CMIP: variants seen among roughly 807,000 people sequenced by gnomAD.
The protein encoded by CMIP is c-Maf inducing protein.
A neutral mutation model predicts 97.3 loss-of-function variants in CMIP; 13 were observed. The observed-to-expected ratio is 0.13, with a 90% CI of 0.09 to 0.21. The LOEUF is 0.21. CMIP is among the 10% of genes least tolerant of loss of function. CMIP has a pLI of 1.00. For synonymous variants in CMIP, 538 were observed against 436.3 expected (o/e 1.23, Z -2.91); for missense variants, 847 against 1,024.9 (o/e 0.83, Z 2.37).
chr16:81,678,409 C>A lies in CMIP; in HGVS notation c.1169C>A (p.Ala390Asp). The stretch of plus-strand genomic sequence containing the variant: ...TCTCAGGAAGCCACGCTGTCTGAGG[C>A]CCGGCTCAAGTCGGTGGTCGTGGCC... The part of the protein sequence containing the change: ...LVSQEATLSE[A>D]RLKSVVVASS... The change falls in exon 10 of 21, where the codon GCC (alanine) becomes GAC (aspartate). Residue 390 changes from alanine to aspartate, a missense_variant. Ala to Asp is a moderately radical substitution (Grantham distance 126, BLOSUM62 -2). This residue lies in a region of CMIP where 202 missense variants were observed against 168.7 expected (regional missense o/e 1.20). Transcript: ENST00000537098. The A allele has an allele frequency of 3.1e-6, 5 of 1,602,930 alleles. No homozygotes were observed. The highest frequency in any genetic ancestry group is 4.3e-6 in the Non-Finnish European group (5 of 1,175,298).
intron 1 of CMIP, among the ~76,000 whole-genome samples, chr16:81,550,242 C>T (rs920901739): frequency 6.6e-6 from 1 of 152,218 alleles, no homozygotes; most frequent in Admixed American, 6.5e-5. Context: ...TGAGGCTGGT[C>T]ATGCAAGCTC....
chr16:81,566,884 G>A (rs531291800), intron 1 of CMIP, among the ~76,000 whole-genome samples: 43 of 152,316 alleles, frequency 2.8e-4, no homozygotes, highest in African/African-American at 9.9e-4. Context: ...AGTAAAATGA[G>A]TACATAGTGT....
chr16:81,467,507 G>GA (rs1478302545), intron 1 of CMIP, among the ~76,000 whole-genome samples: 1 of 151,862 alleles, frequency 6.6e-6, no homozygotes, highest in Non-Finnish European at 1.5e-5. Flanking sequence ...GTTTGGTCTG[G>GA]AAAAAAGAGG....
intron 20 of CMIP, among the ~76,000 whole-genome samples, chr16:81,708,115 C>T (rs1401977228): frequency 2.0e-5 from 3 of 152,214 alleles, no homozygotes; most frequent in African/African-American, 4.8e-5. Context: ...CTGGCAGGCA[C>T]AGGCAAGCTC....
Position 81,444,916 on chromosome 16 carries a change from G to A in CMIP, c.-326G>A, listed in dbSNP as rs1419080503. 7.0e-5 allele frequency among the ~76,000 whole-genome samples: 3 copies of A among 43,130 alleles called. No homozygotes were observed. The highest frequency in any genetic ancestry group is 1.8e-4 in the African/African-American group (2 of 11,002). 28.3% of individuals were successfully genotyped at this position (43,130 alleles called of 152,430 possible). ...CCCCGCCGCCCCCACCCCGGCGCCC[G>A]CCCTCCGCGCCTGGCCCCGGCCCGC... On this transcript the variant is annotated 5_prime_UTR_variant, in exon 1 of 21. Coordinates refer to ENST00000537098, the MANE Select transcript of CMIP (RefSeq NM_198390.3).
chr16:81,591,531 A>G (rs1041626454), intron 1 of CMIP, among the ~76,000 whole-genome samples: 18 of 152,176 alleles, frequency 1.2e-4, no homozygotes, highest in Admixed American at 1.1e-3. Context: ...AGCCACATGG[A>G]TGAAGCTCTC....
intron 1 of CMIP, among the ~76,000 whole-genome samples, chr16:81,504,388 A>G (rs1327036341): frequency 6.6e-6 from 1 of 152,012 alleles, no homozygotes; most frequent in Non-Finnish European, 1.5e-5. Flanking sequence ...CATGCCTGTA[A>G]TCTTAGCACT....
chr16:81,685,769 G>T (rs543582615), intron 10 of CMIP, among the ~76,000 whole-genome samples: 1 of 141,610 alleles, frequency 7.1e-6, no homozygotes, highest in Non-Finnish European at 1.5e-5. Flanking sequence ...TCTTTATGTT[G>T]CCCAAGCCAG....
intron 20 of CMIP, among the ~76,000 whole-genome samples, chr16:81,708,252 G>T (rs1273260725): frequency 6.6e-6 from 1 of 152,234 alleles, no homozygotes; most frequent in Non-Finnish European, 1.5e-5. Flanking sequence ...ACCCATCCCA[G>T]CGTTTAGACC....
At chr16:81,681,157 A>G (rs1281378919) in intron 10 of CMIP, among the ~76,000 whole-genome samples, 1 of 152,172 alleles carries the variant, frequency 6.6e-6, no homozygotes, top group Non-Finnish European at 1.5e-5. Context: ...CAAGCCCTCC[A>G]CAAAATGGGA....
intron 1 of CMIP, among the ~76,000 whole-genome samples, chr16:81,590,384 C>T (rs939393651): frequency 2.6e-5 from 4 of 152,162 alleles, no homozygotes; most frequent in African/African-American, 9.7e-5. Context: ...CACACTGGCT[C>T]ATTCCCATGA....
intron 19 of CMIP, 24 bp downstream of exon 19, chr16:81,705,628 G>A (rs543633373): frequency 1.3e-6 from 2 of 1,487,012 alleles, no homozygotes; most frequent in Admixed American, 1.9e-5. Context: ...GGGCAGCTGG[G>A]GGGTGAGGGG....
intron 1 of CMIP, among the ~76,000 whole-genome samples, chr16:81,458,687 A>G (rs888567145): frequency 6.6e-6 from 1 of 152,144 alleles, no homozygotes; most frequent in Non-Finnish European, 1.5e-5. Context: ...TCCCTAAAAC[A>G]GGACAGTGAT....
intron 13 of CMIP, among the ~76,000 whole-genome samples, chr16:81,694,419 T>C (rs912393740): frequency 6.6e-6 from 1 of 152,194 alleles, no homozygotes; most frequent in African/African-American, 2.4e-5. Context: ...AAGGTGGTAC[T>C]GAACTGGCTG....
intron 2 of CMIP, chr16:81,617,079 AC>A: frequency 6.6e-6 from 1 of 152,428 alleles, no homozygotes; most frequent in Non-Finnish European, 1.5e-5. Flanking sequence ...CAACGGTGTG[AC>A]CAGGAGAAGC....
intron 1 of CMIP, among the ~76,000 whole-genome samples, chr16:81,605,285 G>A (rs981477624): frequency 3.9e-5 from 6 of 152,306 alleles, no homozygotes; most frequent in Non-Finnish European, 5.9e-5. Flanking sequence ...CATGGCAGCC[G>A]CCGGGATTGG....
At position 81,652,324 on chromosome 16, in the gene CMIP, A is replaced by C; in HGVS notation, c.599A>C (p.Asn200Thr). The change falls in exon 4 of 21, where the codon AAC becomes ACC. Residue 200 changes from asparagine to threonine, a missense_variant. By Grantham distance (65) the Asn-to-Thr change is moderately conservative. Coordinates refer to ENST00000537098, the MANE Select transcript of CMIP (RefSeq NM_198390.3). This position sits in a 1 kb window ranked among gnomAD's most constrained non-coding sequence, Gnocchi z 5.2. ...LTSPLQDDSI[N>T]QAPLEIVSKL... Reference sequence around the variant, plus strand: ...TCCCCCCTGCAGGATGACTCCATCAACCAGGCCCCACTGGAAATCGTCTCG... The same window carrying C: ...TCCCCCCTGCAGGATGACTCCATCACCCAGGCCCCACTGGAAATCGTCTCG... 1.9e-6 allele frequency: 3 copies of C among 1,613,946 alleles called. No homozygotes were observed. The highest frequency in any genetic ancestry group is 2.5e-6 in the Non-Finnish European group (3 of 1,179,832).
chr16:81,579,012 C>T (rs998847173), intron 1 of CMIP, among the ~76,000 whole-genome samples: 3 of 152,224 alleles, frequency 2.0e-5, no homozygotes, highest in Non-Finnish European at 4.4e-5. Flanking sequence ...GCTTCTTCAG[C>T]TCCAGAAAGC....
chr16:81,654,011 G>T (rs1249565737), intron 4 of CMIP, among the ~76,000 whole-genome samples: 1 of 152,182 alleles, frequency 6.6e-6, no homozygotes, highest in Non-Finnish European at 1.5e-5. Flanking sequence ...TTGTAATGGA[G>T]CTAGAAGTTC....
Sources: allele counts gnomAD v4.1 joint callset (sites outside exome capture counted in the v4.1 genomes callset), GRCh38; gene constraint gnomAD v4.1.1; regional missense constraint gnomAD v4.1.1; non-coding constraint Gnocchi (gnomAD v3.1); transcripts MANE v1.5; gene names NCBI Gene and HGNC (gene_info 2026-07-23, HGNC 2026-07-21).